Variants in CRMP1 observed in about 807,000 individuals in gnomAD.
CRMP1 encodes the protein collapsin response mediator protein 1, also known as dihydropyrimidinase-related protein 1.
Under a neutral mutation model 68.3 loss-of-function variants are expected in CRMP1, and 19 were observed. The observed-to-expected ratio is 0.28, with a 90% CI of 0.19 to 0.41. CRMP1 has a LOEUF of 0.41. Among genes scored for constraint, CRMP1 ranks in the 10% least tolerant of loss-of-function variants. The probability of loss-of-function intolerance (pLI) is 1.00; values close to 1 mark genes in which losing one functional copy is unlikely to be tolerated. For missense variants in CRMP1, 791 were observed against 967.4 expected (o/e 0.82, Z 2.42); for synonymous variants, 439 against 399.6 (o/e 1.10, Z -1.18).
chr4:5,847,160 T>G (rs1712281848), intron 6 of CRMP1, among the ~76,000 whole-genome samples: 1 of 152,188 alleles, frequency 6.6e-6, no homozygotes, highest in Non-Finnish European at 1.5e-5. Context: ...TATTTTTCCC[T>G]TTTTGAATAG....
intron 1 of CRMP1, among the ~76,000 whole-genome samples, chr4:5,873,514 G>A (rs955410457): frequency 6.6e-6 from 1 of 152,042 alleles, no homozygotes; most frequent in Non-Finnish European, 1.5e-5. Flanking sequence ...AAGGCAAAGT[G>A]GGGGGTGGGG....
At chr4:5,839,865 A>G (rs1436239386) in intron 8 of CRMP1, among the ~76,000 whole-genome samples, 187 bp from the exon 9 acceptor site, 1 of 152,218 alleles carries the variant, frequency 6.6e-6, no homozygotes, top group Admixed American at 6.5e-5. Flanking sequence ...CAGCTCCACC[A>G]CATTGTCGGC....
At chr4:5,856,534 CCAT>C (rs568090383) in intron 3 of CRMP1, among the ~76,000 whole-genome samples, 2,539 of 151,486 alleles carry the variant, frequency 0.017, 64 homozygotes, top group African/African-American at 0.058. Flanking sequence ...ATTACCATCA[CCAT>C]CATCATCATC....
rs770775407 is a variant in CRMP1, at chr4:5,838,976, C to T, written c.1310+546G>A. On this transcript the variant is annotated intron_variant, in intron 9 of 13. Transcript: ENST00000324989. This position sits in a 1 kb window ranked among gnomAD's most constrained non-coding sequence, Gnocchi z 4.9. Reference sequence around the variant, plus strand: ...GCCCTGCTATTGCTAAGTGCTCTTCCCTCCTGGTGGCTAACAGAAGGGAAG... The same window carrying T: ...GCCCTGCTATTGCTAAGTGCTCTTCTCTCCTGGTGGCTAACAGAAGGGAAG... Among the ~76,000 whole-genome samples, 18 of 152,208 alleles carry T rather than the reference C, an allele frequency of 1.2e-4. No individual in the cohort carries two copies. Among genetic ancestry groups the T allele is most frequent in the Non-Finnish European group, 2.4e-4 (16 of 68,040 alleles).
chr4:5,821,954 T>G lies in CRMP1; in HGVS notation c.1970-103A>C. On this transcript the variant is annotated intron_variant, in intron 13 of 13. Coordinates refer to ENST00000324989, the MANE Select transcript of CRMP1 (RefSeq NM_001014809.3). The surrounding 1 kb of genome is among the most constrained non-coding windows in gnomAD (Gnocchi z 4.4). Reference sequence around the variant, plus strand: ...TGCCATGCACTCCACTGGACCCACCTTCATTCAGGGCTCAGTCCAGGACCA... The same window carrying G: ...TGCCATGCACTCCACTGGACCCACCGTCATTCAGGGCTCAGTCCAGGACCA... The G allele has an allele frequency of 1.1e-6, 1 of 888,964 alleles. No homozygotes were observed. Among genetic ancestry groups the G allele is most frequent in the South Asian group, 1.9e-5 (1 of 53,892 alleles). The allele number at this position is 888,964 out of a possible 1,614,324, so 55.1% of individuals were successfully genotyped here.
Position 5,859,616 on chromosome 4 carries a change from T to G in CRMP1, c.655+1410A>C, listed in dbSNP as rs1174716280. ...CTGAGTGCTGGCCACAGTCATGCAGTTGCCTGCTGAGTGCCAGTGCTCAGG... is the reference window on the plus strand; with the variant it reads ...CTGAGTGCTGGCCACAGTCATGCAGGTGCCTGCTGAGTGCCAGTGCTCAGG... On this transcript the variant is annotated intron_variant, in intron 3 of 13. Transcript: ENST00000324989. The surrounding 1 kb of genome is among the most constrained non-coding windows in gnomAD (Gnocchi z 5.2). Among the ~76,000 whole-genome samples the G allele has an allele frequency of 6.6e-6, 1 of 152,226 alleles. No individual in the cohort carries two copies. The highest frequency in any genetic ancestry group is 2.4e-5 in the African/African-American group (1 of 41,468).
rs755140579 is a variant in CRMP1, at chr4:5,825,482, A to C, written c.1969+12T>G. On this transcript the variant is annotated intron_variant, in intron 13 of 13. Transcript: ENST00000324989. This position sits in a 1 kb window ranked among gnomAD's most constrained non-coding sequence, Gnocchi z 4.4. ...GCAATTGTGGGGAGCCTGGGCCACCACTCTTTCCTACCTGATAAGCTGAAG... is the reference window on the plus strand; with the variant it reads ...GCAATTGTGGGGAGCCTGGGCCACCCCTCTTTCCTACCTGATAAGCTGAAG... 1 of 1,557,898 alleles carries C rather than the reference A, an allele frequency of 6.4e-7. No homozygotes were observed. The highest frequency in any genetic ancestry group is 1.4e-5 in the African/African-American group (1 of 71,148).
chr4:5,825,384 C>G lies in CRMP1; in HGVS notation c.1969+110G>C, dbSNP rs1719386371. On this transcript the variant is annotated intron_variant, in intron 13 of 13. Coordinates refer to ENST00000324989, the MANE Select transcript of CRMP1 (RefSeq NM_001014809.3). This position sits in a 1 kb window ranked among gnomAD's most constrained non-coding sequence, Gnocchi z 4.4. Reference sequence around the variant, plus strand: ...CGGGTGGGGCACACTCCCTTCCCTGCTTCTTCATCTAGTGTCCAAGGCCAC... The same window carrying G: ...CGGGTGGGGCACACTCCCTTCCCTGGTTCTTCATCTAGTGTCCAAGGCCAC... The G allele has an allele frequency of 6.8e-7, 1 of 1,463,948 alleles. No homozygotes were observed. Among genetic ancestry groups the G allele is most frequent in the Admixed American group, 2.8e-5 (1 of 35,448 alleles). The allele number at this position is 1,463,948 out of a possible 1,614,324, so 90.7% of individuals were successfully genotyped here.
Position 5,870,446 on chromosome 4 carries a change from C to T in CRMP1, c.382-3690G>A, listed in dbSNP as rs1481690518. On this transcript the variant is annotated intron_variant, in intron 1 of 13. Transcript: ENST00000324989. The surrounding 1 kb of genome is among the most constrained non-coding windows in gnomAD (Gnocchi z 6.0). The stretch of plus-strand genomic sequence containing the variant: ...CGCATGACACAGGCGTTGGTGGGGA[C>T]GGCACTGCCTGGAGTTTGCACAGCA... Among the ~76,000 whole-genome samples, 2 of 152,238 alleles carry T rather than the reference C, an allele frequency of 1.3e-5. No homozygotes were observed. Among genetic ancestry groups the T allele is most frequent in the Admixed American group, 6.5e-5 (1 of 15,292 alleles).
chr4:5,840,458 G>A (rs979599567), intron 8 of CRMP1, among the ~76,000 whole-genome samples: 1 of 152,192 alleles, frequency 6.6e-6, no homozygotes, highest in Non-Finnish European at 1.5e-5. Context: ...GCCACCTGCT[G>A]CCCAGTAGGA....
chr4:5,851,571 A>G, intron 4 of CRMP1, 102 bp from the exon 5 acceptor site: 1 of 1,167,188 alleles, frequency 8.6e-7, no homozygotes, highest in Non-Finnish European at 1.3e-6. Flanking sequence ...AGTCGCCAGG[A>G]GAGATGAGTG....
At chr4:5,869,478 C>T (rs1006278590) in intron 1 of CRMP1, among the ~76,000 whole-genome samples, 2 of 151,304 alleles carry the variant, frequency 1.3e-5, no homozygotes, top group Non-Finnish European at 2.9e-5. Context: ...GTCAGGAGAT[C>T]GAGACCATCC....
intron 13 of CRMP1, among the ~76,000 whole-genome samples, chr4:5,822,437 G>A (rs1255408284): frequency 2.0e-5 from 3 of 151,214 alleles, no homozygotes; most frequent in African/African-American, 7.3e-5. Flanking sequence ...GTGTGCATGT[G>A]CATGTGAACT....
chr4:5,849,343 C>T (rs1451537048), intron 6 of CRMP1, 49 bp downstream of exon 6: 2 of 1,465,302 alleles, frequency 1.4e-6, no homozygotes, highest in East Asian at 2.3e-5. Flanking sequence ...CCTTTTGCAA[C>T]AAGGAGAATC....
At chr4:5,885,181 C>G (rs1310658232) in intron 1 of CRMP1, among the ~76,000 whole-genome samples, 2 of 152,136 alleles carry the variant, frequency 1.3e-5, no homozygotes, top group East Asian at 3.9e-4. Flanking sequence ...CGATCAGCCT[C>G]CTTGCCTTTG....
Position 5,833,377 on chromosome 4 carries a change from G to A in CRMP1, c.1623+2538C>T, listed in dbSNP as rs1209567583. On this transcript the variant is annotated intron_variant, in intron 11 of 13. Coordinates refer to ENST00000324989, the MANE Select transcript of CRMP1 (RefSeq NM_001014809.3). ...GAGACAGGGTTTCACCGTTTTAGCC[G>A]GGATGGTCTCGATCTCCTGACCTCG... Among the ~76,000 whole-genome samples, 6 of 89,804 alleles carry A rather than the reference G, an allele frequency of 6.7e-5. 1 individual carries two copies. Among genetic ancestry groups the A allele is most frequent in the East Asian group, 2.7e-4 (1 of 3,678 alleles). The allele number at this position is 89,804 out of a possible 152,430, so 58.9% of individuals were successfully genotyped here.
In CRMP1 at chr4:5,825,231, AC is replaced by A. The variant is rs1719353260; in HGVS notation, c.1969+262del. ...TCCCCAAATGTGTGTAAGGATGAGC[AC>A]TGGGACAATTTTGGTACCTCTCTTT... On this transcript the variant is annotated intron_variant, in intron 13 of 13. Coordinates refer to ENST00000324989, the MANE Select transcript of CRMP1 (RefSeq NM_001014809.3). The surrounding 1 kb of genome is among the most constrained non-coding windows in gnomAD (Gnocchi z 4.4). 1.0e-6 allele frequency: 1 copy of A among 985,212 alleles called. No individual in the cohort carries two copies. Among genetic ancestry groups the A allele is most frequent in the Non-Finnish European group, 1.2e-6 (1 of 829,920 alleles). The allele number at this position is 985,212 out of a possible 1,614,324, so 61.0% of individuals were successfully genotyped here.
intron 1 of CRMP1, chr4:5,887,271 C>A (rs756341987): frequency 3.5e-4 from 300 of 856,492 alleles, no homozygotes; most frequent in Non-Finnish European, 4.1e-4. Context: ...TGTCCAGGAG[C>A]CTGAATTTTG....
chr4:5,825,066 TGAAAGTGCTTA>T lies in CRMP1; in HGVS notation c.1969+417_1969+427del, dbSNP rs1475967373. 1 of 985,324 alleles carries T rather than the reference TGAAAGTGCTTA, an allele frequency of 1.0e-6. No homozygotes were observed. The highest frequency in any genetic ancestry group is 1.7e-5 in the African/African-American group (1 of 57,246). The allele number at this position is 985,324 out of a possible 1,614,324, so 61.0% of individuals were successfully genotyped here. Reference sequence around the variant, plus strand: ...GAGGATAAAATAAAATCATGGGTTATGAAAGTGCTTAGTACACTGCAGTGGGTGAACAGGCT... The same window carrying T: ...GAGGATAAAATAAAATCATGGGTTATGTACACTGCAGTGGGTGAACAGGCT... On this transcript the variant is annotated intron_variant, in intron 13 of 13. Transcript: ENST00000324989. The surrounding 1 kb of genome is among the most constrained non-coding windows in gnomAD (Gnocchi z 4.4).
Sources: allele counts gnomAD v4.1 joint callset (sites outside exome capture counted in the v4.1 genomes callset), GRCh38; gene constraint gnomAD v4.1.1; non-coding constraint Gnocchi (gnomAD v3.1); transcripts MANE v1.5; gene names NCBI Gene and HGNC (gene_info 2026-07-23, HGNC 2026-07-21).